The following PPFIA2 variants were observed in gnomAD, a reference collection of about 807,000 sequenced individuals.
PPFIA2 encodes the protein PPFI scaffold protein A2.
In PPFIA2, 46 loss-of-function variants were observed where a neutral mutation model predicts 175.5. That is an observed-to-expected ratio of 0.26 (90% CI 0.21 to 0.34). The LOEUF is 0.34. PPFIA2 is among the 10% of genes least tolerant of loss of function. The pLI is 1.00. For missense variants in PPFIA2, 1,179 were observed against 1,506.1 expected, an observed-to-expected ratio of 0.78 and a Z score of 3.60; for synonymous variants, 568 against 511.4, an observed-to-expected ratio of 1.11 and a Z score of -1.49.
rs1229020742 is a variant in PPFIA2 at position 81,295,569 on chromosome 12, G to A, written c.2725-534C>T. Among the ~76,000 whole-genome samples the A allele has an allele frequency of 2.0e-5, 3 of 152,198 alleles. 1 individual carries two copies. The highest frequency in any genetic ancestry group is 7.2e-5 in the African/African-American group (3 of 41,448). On this transcript the variant is annotated intron_variant, in intron 23 of 32. Transcript: ENST00000549396. ...CCTTCCTACACCATGTGAAAGATGT[G>A]TGAACTTAATTAGATGCTATATATG...
At chr12:81,428,054 C>T (rs2047455790) in intron 7 of PPFIA2, among the ~76,000 whole-genome samples, 4 of 151,806 alleles carry the variant, frequency 2.6e-5, no homozygotes, top group Admixed American at 2.6e-4. Flanking sequence ...AGTAATCTTT[C>T]TCAAAATGTT....
intron 5 of PPFIA2, among the ~76,000 whole-genome samples, chr12:81,452,148 A>T (rs1358378923): frequency 6.6e-6 from 1 of 152,084 alleles, no homozygotes; most frequent in Non-Finnish European, 1.5e-5. Flanking sequence ...ATCATGCGTC[A>T]TTGGGAATTT....
At position 81,633,195 on chromosome 12, in the gene PPFIA2, G is replaced by A. The variant is rs1313285391; in HGVS notation, c.303+43596C>T. Among the ~76,000 whole-genome samples the A allele has an allele frequency of 1.3e-5, 2 of 151,962 alleles. 1 individual carries two copies. Among genetic ancestry groups the A allele is most frequent in the Admixed American group, 1.3e-4 (2 of 15,256 alleles). ...ATTACAATGTCCTTCCACCTTAATG[G>A]AGCTATAGGAAAAGGAAATATTTTA... On this transcript the variant is annotated intron_variant, in intron 4 of 32. Coordinates refer to ENST00000549396, the MANE Select transcript of PPFIA2 (RefSeq NM_003625.5).
chr12:81,500,638 T>A (rs1384678243), intron 4 of PPFIA2, among the ~76,000 whole-genome samples: 1 of 152,198 alleles, frequency 6.6e-6, no homozygotes, highest in Non-Finnish European at 1.5e-5. Flanking sequence ...TTTTAAAATT[T>A]AACTTAAATT....
chr12:81,600,143 T>G (rs1295107974), intron 4 of PPFIA2, among the ~76,000 whole-genome samples: 1 of 151,966 alleles, frequency 6.6e-6, no homozygotes, highest in East Asian at 1.9e-4. Flanking sequence ...GCTTGGCCCC[T>G]TGGAAGACAG....
chr12:81,658,778 T>C (rs1041170597), intron 4 of PPFIA2, among the ~76,000 whole-genome samples: 1 of 152,064 alleles, frequency 6.6e-6, no homozygotes, highest in Non-Finnish European at 1.5e-5. Flanking sequence ...GAAACAAATG[T>C]ATGTCTAATA....
At chr12:81,605,679 CT>C (rs1567544245) in intron 4 of PPFIA2, among the ~76,000 whole-genome samples, 1 of 150,826 alleles carries the variant, frequency 6.6e-6, no homozygotes, top group African/African-American at 2.4e-5. Context: ...ATCTATCTAT[CT>C]ATCTATCTAT....
At chr12:81,542,551 A>AT (rs2066382326) in intron 4 of PPFIA2, among the ~76,000 whole-genome samples, 1 of 152,144 alleles carries the variant, frequency 6.6e-6, no homozygotes. Context: ...TGATCCTAGA[A>AT]GTAATGGGAC....
At chr12:81,511,739 T>G (rs2061823715) in intron 4 of PPFIA2, among the ~76,000 whole-genome samples, 1 of 152,060 alleles carries the variant, frequency 6.6e-6, no homozygotes, top group Non-Finnish European at 1.5e-5. Context: ...TGTATTTCCC[T>G]TCATATATAT....
chr12:81,329,627 G>C (rs1031418672), intron 21 of PPFIA2, among the ~76,000 whole-genome samples: 3 of 152,118 alleles, frequency 2.0e-5, no homozygotes, highest in African/African-American at 7.2e-5. Context: ...TGAAAACAGG[G>C]TCAGACCACT....
rs2084259545 is a variant in PPFIA2 at position 81,754,065 on chromosome 12, G to T, written c.157C>A (p.Gln53Lys). The change falls in exon 3 of 33, where the codon CAG becomes AAG. Residue 53 changes from glutamine to lysine, a missense_variant. This residue lies in a region of PPFIA2 where 128 missense variants were observed against 141.4 expected (regional missense o/e 0.91). Coordinates refer to ENST00000549396, the MANE Select transcript of PPFIA2 (RefSeq NM_003625.5). ...DRLLDTLRET[Q>K]ESLSLAQQRL... ...TGCTGGGCAAGTGAGAGGCTTTCCTGGGTCTCCCGAAGGGTGTCTAGAAGA... is the reference window on the plus strand; with the variant it reads ...TGCTGGGCAAGTGAGAGGCTTTCCTTGGTCTCCCGAAGGGTGTCTAGAAGA... 6.2e-7 allele frequency: 1 copy of T among 1,613,696 alleles called. No individual in the cohort carries two copies. Among genetic ancestry groups the T allele is most frequent in the Non-Finnish European group, 8.5e-7 (1 of 1,179,858 alleles).
intron 4 of PPFIA2, among the ~76,000 whole-genome samples, chr12:81,661,754 C>G (rs1397793456): frequency 3.9e-5 from 6 of 152,186 alleles, no homozygotes; most frequent in Non-Finnish European, 8.8e-5. Context: ...ACATTCTTCT[C>G]AGCACCACAC....
intron 4 of PPFIA2, among the ~76,000 whole-genome samples, chr12:81,576,999 A>C (rs2073666293): frequency 6.6e-6 from 1 of 151,862 alleles, no homozygotes; most frequent in Non-Finnish European, 1.5e-5. Context: ...TCAAGTATAA[A>C]TTAATTGAGC....
intron 7 of PPFIA2, among the ~76,000 whole-genome samples, chr12:81,406,529 T>C (rs551496596): frequency 4.5e-4 from 69 of 152,252 alleles, no homozygotes; most frequent in African/African-American, 1.7e-3. Flanking sequence ...TCTTGCAAAC[T>C]TTCAGCTCAA....
At chr12:81,627,826 CTT>C (rs2062901388) in intron 4 of PPFIA2, among the ~76,000 whole-genome samples, 1 of 151,808 alleles carries the variant, frequency 6.6e-6, no homozygotes, top group Admixed American at 6.6e-5. Context: ...CATTGTATGT[CTT>C]TTTTTCCATC....
At chr12:81,666,203 C>T (rs1435877552) in intron 4 of PPFIA2, among the ~76,000 whole-genome samples, 2 of 152,090 alleles carry the variant, frequency 1.3e-5, no homozygotes, top group East Asian at 1.9e-4. Context: ...TTCAGTGTGG[C>T]GATTCCTCAA....
chr12:81,730,644 A>G (rs954549033), intron 3 of PPFIA2, among the ~76,000 whole-genome samples: 3 of 151,644 alleles, frequency 2.0e-5, no homozygotes, highest in Non-Finnish European at 4.4e-5. Flanking sequence ...CAGAGCTATT[A>G]TTTCTGGTTT....
intron 8 of PPFIA2, among the ~76,000 whole-genome samples, chr12:81,384,666 T>C (rs967702241): frequency 4.6e-5 from 7 of 152,128 alleles, no homozygotes; most frequent in African/African-American, 1.7e-4. Flanking sequence ...TTAAAATTTT[T>C]CTTCAAGATC....
chr12:81,272,100 T>C (rs531237434), intron 28 of PPFIA2, among the ~76,000 whole-genome samples: 88 of 152,310 alleles, frequency 5.8e-4, no homozygotes, highest in African/African-American at 2.0e-3. Context: ...TGTTGCGCCA[T>C]TGAAATTATT....
Sources: allele counts gnomAD v4.1 joint callset (sites outside exome capture counted in the v4.1 genomes callset), GRCh38; gene constraint gnomAD v4.1.1; regional missense constraint gnomAD v4.1.1; transcripts MANE v1.5; gene names NCBI Gene and HGNC (gene_info 2026-07-23, HGNC 2026-07-21).